The following PCDHA9 variants were observed in gnomAD, a reference collection of about 807,000 sequenced individuals.
PCDHA9 encodes the protein protocadherin alpha 9, also known as protocadherin alpha-9.
A neutral mutation model predicts 62.0 loss-of-function variants in PCDHA9; 62 were observed. That is an observed-to-expected ratio of 1.00 (90% CI 0.81 to 1.23). The LOEUF is 1.23. Ranked by LOEUF, PCDHA9 falls within the 50% of genes most tolerant of loss-of-function variation. The probability of loss-of-function intolerance (pLI) is 0.00; values close to 1 mark genes in which losing one functional copy is unlikely to be tolerated. For missense variants in PCDHA9, 1,205 were observed against 1,249.8 expected (o/e 0.96, Z 0.54); for synonymous variants, 557 against 567.6 (o/e 0.98, Z 0.27).
At chr5:140,880,731 GAA>G (rs2058452770) in intron 1 of PCDHA9, among the ~76,000 whole-genome samples, 1 of 152,216 alleles carries the variant, frequency 6.6e-6, no homozygotes, top group Non-Finnish European at 1.5e-5. Flanking sequence ...GAAGCATAGA[GAA>G]AATGGATTGT....
chr5:140,848,487 G>T lies in PCDHA9; in HGVS notation c.-9G>T, dbSNP rs2150411102. ...TTTTCACTAATTAGAAGAAGACTGA[G>T]TATTTGAAATGTTATACTCAAGTCG... On this transcript the variant is annotated 5_prime_UTR_variant, in exon 1 of 4. Transcript: ENST00000532602. The T allele has an allele frequency of 6.4e-7, 1 of 1,574,380 alleles. No individual in the cohort carries two copies. Among genetic ancestry groups the T allele is most frequent in the Non-Finnish European group, 8.7e-7 (1 of 1,154,136 alleles).
At chr5:140,887,770 G>A (rs2061571546) in intron 1 of PCDHA9, among the ~76,000 whole-genome samples, 2 of 152,072 alleles carry the variant, frequency 1.3e-5, no homozygotes, top group South Asian at 4.1e-4. Flanking sequence ...ATGTTACAAT[G>A]ACACAGGTCA....
At chr5:140,897,772 C>T (rs1393087365) in intron 1 of PCDHA9, among the ~76,000 whole-genome samples, 2 of 152,192 alleles carry the variant, frequency 1.3e-5, no homozygotes, top group Non-Finnish European at 2.9e-5. Context: ...ACACTGACTT[C>T]CACAATGGTT....
At chr5:140,959,066 G>T (rs913581823) in intron 1 of PCDHA9, among the ~76,000 whole-genome samples, 81 of 152,142 alleles carry the variant, frequency 5.3e-4, no homozygotes, top group African/African-American at 1.9e-3. Flanking sequence ...AGTATATATA[G>T]AATTCAGTAT....
At chr5:140,968,867 T>C (rs2153774451) in intron 1 of PCDHA9, 2 of 1,614,188 alleles carry the variant, frequency 1.2e-6, no homozygotes, top group Non-Finnish European at 1.7e-6. Flanking sequence ...CCCTCGGACA[T>C]ACTCTGAAAT....
intron 3 of PCDHA9, among the ~76,000 whole-genome samples, chr5:140,996,819 C>T (rs1446677147): frequency 6.6e-6 from 1 of 152,142 alleles, no homozygotes; most frequent in East Asian, 1.9e-4. Context: ...CAAAAGTAAC[C>T]ACTACCAATA....
rs116202025 is a variant in PCDHA9, at chr5:140,975,505, A to G, written c.2395-3444A>G. ...ATATCAATGTTCATAAAATAGCACTATGCAAAATCTGCAGTGGATATATTC... is the reference window on the plus strand; with the variant it reads ...ATATCAATGTTCATAAAATAGCACTGTGCAAAATCTGCAGTGGATATATTC... On this transcript the variant is annotated intron_variant, in intron 1 of 3. Transcript: ENST00000532602. Among the ~76,000 whole-genome samples, 512 of 152,350 alleles carry G rather than the reference A, an allele frequency of 3.4e-3. 3 individuals are homozygous for G. Among genetic ancestry groups the G allele is most frequent in the Middle Eastern group, 6.8e-3 (2 of 294 alleles).
chr5:140,873,537 A>G, intron 1 of PCDHA9, among the ~76,000 whole-genome samples: 1 of 152,274 alleles, frequency 6.6e-6, no homozygotes, highest in Admixed American at 6.5e-5. Flanking sequence ...TCTATGGTAT[A>G]AAATTATAAT....
rs1386986772 is a variant in PCDHA9 at position 140,849,719 on chromosome 5, G to A, written c.1224G>A (p.Val408=). The change falls in exon 1 of 4, where the codon GTG becomes GTA. Residue 408 remains valine (V), a synonymous_variant. Coordinates refer to ENST00000532602, the MANE Select transcript of PCDHA9 (RefSeq NM_031857.2). ...CCTACAAGAATTACTACTCGTTGGT[G>A]CTGGACAGAGCTCTGGACCGCGAGA... ...VSTYKNYYSL[V]LDRALDRESV... 6.3e-7 allele frequency: 1 copy of A among 1,598,560 alleles called. No homozygotes were observed. The highest frequency in any genetic ancestry group is 8.6e-7 in the Non-Finnish European group (1 of 1,167,986).
At chr5:140,857,771 GCAGT>G in intron 1 of PCDHA9, 1 of 1,597,658 alleles carries the variant, frequency 6.3e-7, no homozygotes, top group Non-Finnish European at 8.6e-7. Context: ...CGCGGGCGGT[GCAGT>G]CAGTGAGCTG....
intron 1 of PCDHA9, among the ~76,000 whole-genome samples, chr5:140,947,275 T>C (rs246050): frequency 1.3e-5 from 2 of 151,244 alleles, no homozygotes; most frequent in Non-Finnish European, 3.0e-5. Flanking sequence ...GAAAATACTT[T>C]TTCTTTTTAT....
intron 1 of PCDHA9, chr5:140,870,549 C>T: frequency 2.5e-6 from 4 of 1,614,062 alleles, no homozygotes; most frequent in Non-Finnish European, 3.4e-6. Context: ...GGGACGCGGA[C>T]GCGCAGGAGA....
At position 140,850,022 on chromosome 5, in the gene PCDHA9, A is replaced by G. The variant is rs201141536; in HGVS notation, c.1527A>G (p.Ser509=). ...LGERSLSSYV[S]VHAESGKVYA... The stretch of plus-strand genomic sequence containing the variant: ...AGCGCTCGCTGTCGAGCTACGTGTC[A>G]GTGCACGCGGAGAGCGGCAAGGTGT... The change falls in exon 1 of 4, where the codon TCA becomes TCG. Residue 509 remains serine (S), a synonymous_variant. Transcript: ENST00000532602. 38 of 1,596,678 alleles carry G rather than the reference A, an allele frequency of 2.4e-5. 5 individuals are homozygous for G. The highest frequency in any genetic ancestry group is 7.7e-5 in the South Asian group (7 of 90,486).
intron 1 of PCDHA9, chr5:140,859,217 C>A (rs1409192343): frequency 1.3e-5 from 2 of 149,754 alleles, no homozygotes; most frequent in Non-Finnish European, 3.0e-5. Context: ...AGCTCTTTCA[C>A]TTTAAGGAAG....
At position 140,870,607 on chromosome 5, in the gene PCDHA9, G is replaced by T. The variant is rs782060261; in HGVS notation, c.2394+19718G>T. 15 of 1,613,098 alleles carry T rather than the reference G, an allele frequency of 9.3e-6. No individual in the cohort carries two copies. The Middle Eastern group carries it at 5.1e-4, about 55-fold the overall frequency. ...GGTGGAGCGGCGGTTGGGCGACCGCGCGCTGTCGAGCTACGTGTCGGTGCA... is the reference window on the plus strand; with the variant it reads ...GGTGGAGCGGCGGTTGGGCGACCGCTCGCTGTCGAGCTACGTGTCGGTGCA... On this transcript the variant is annotated intron_variant, in intron 1 of 3. Transcript: ENST00000532602.
intron 3 of PCDHA9, among the ~76,000 whole-genome samples, chr5:140,991,888 A>T (rs1374098533): frequency 6.6e-6 from 1 of 152,178 alleles, no homozygotes; most frequent in African/African-American, 2.4e-5. Context: ...TGCCATAACA[A>T]ATTAACACAA....
intron 1 of PCDHA9, chr5:140,875,367 T>C (rs937879067): frequency 6.9e-7 from 1 of 1,449,048 alleles, no homozygotes; most frequent in Non-Finnish European, 9.1e-7. Context: ...CTGGAAAAAA[T>C]TTACTAAATA....
chr5:140,916,268 T>C (rs1190209711), intron 1 of PCDHA9, among the ~76,000 whole-genome samples: 3 of 152,206 alleles, frequency 2.0e-5, no homozygotes, highest in Non-Finnish European at 4.4e-5. Flanking sequence ...AAGAGCATGC[T>C]TGTTGCTCTA....
chr5:140,882,566 G>A, intron 1 of PCDHA9: 1 of 1,614,252 alleles, frequency 6.2e-7, no homozygotes, highest in Non-Finnish European at 8.5e-7. Context: ...TGGGCGGAGC[G>A]CGGAGTGCAG....
Sources: gnomAD v4.1 joint callset for allele counts (sites outside exome capture counted in the v4.1 genomes callset) on GRCh38, gnomAD v4.1.1 for gene constraint, MANE v1.5 for transcripts, NCBI Gene and HGNC (gene_info 2026-07-23, HGNC 2026-07-21) for gene names.